Variants in MLXIP observed in about 807,000 individuals in gnomAD.
The protein encoded by MLXIP is MLX-interacting protein.
MLXIP carries 30 observed loss-of-function variants against 87.2 expected under a neutral mutation model. That is an observed-to-expected ratio of 0.34 (90% CI 0.26 to 0.47). The LOEUF (loss-of-function observed/expected upper bound fraction) is 0.47, where lower values mean the gene tolerates loss of function less well. Among genes scored for constraint, MLXIP ranks in the 20% least tolerant of loss-of-function variants. The pLI, the probability that MLXIP is intolerant of heterozygous loss-of-function variation, is 1.00. For missense variants in MLXIP, 1,002 were observed against 1,240.1 expected, an observed-to-expected ratio of 0.81 and a Z score of 2.88; for synonymous variants, 530 against 514.0, an observed-to-expected ratio of 1.03 and a Z score of -0.42.
intron 1 of MLXIP, among the ~76,000 whole-genome samples, chr12:122,081,640 A>G (rs1270766131): frequency 6.6e-6 from 1 of 152,144 alleles, no homozygotes; most frequent in Non-Finnish European, 1.5e-5. Context: ...TGGGCAATGT[A>G]GCAAGATCCC....
At chr12:122,121,527 C>T (rs1952784597) in intron 1 of MLXIP, among the ~76,000 whole-genome samples, 1 of 152,058 alleles carries the variant, frequency 6.6e-6, no homozygotes, top group South Asian at 2.1e-4. Context: ...ACCTCGGCCT[C>T]CCAAAGTGCT....
intron 1 of MLXIP, among the ~76,000 whole-genome samples, chr12:122,102,720 T>G (rs1370876201): frequency 1.3e-5 from 2 of 152,260 alleles, no homozygotes; most frequent in African/African-American, 2.4e-5. Context: ...GGAATATTAT[T>G]CAGTGGCAAA....
rs1953128449 is a variant in MLXIP at position 122,138,189 on chromosome 12, A to T, written c.2155-5A>T. 6.3e-6 allele frequency: 10 copies of T among 1,596,360 alleles called. No individual in the cohort carries two copies. Among genetic ancestry groups the T allele is most frequent in the Non-Finnish European group, 7.7e-6 (9 of 1,171,476 alleles). ...TGTCTTAGTGACCAGCGGGTTCTCCAGCAGAACCGGCAGATGAAGCACATC... is the reference window on the plus strand; with the variant it reads ...TGTCTTAGTGACCAGCGGGTTCTCCTGCAGAACCGGCAGATGAAGCACATC... On this transcript the variant is annotated splice_region_variant and splice_polypyrimidine_tract_variant and intron_variant, in intron 12 of 16. Transcript: ENST00000319080.
intron 13 of MLXIP, 46 bp from the exon 14 acceptor site, chr12:122,138,378 C>A: frequency 6.2e-7 from 1 of 1,607,094 alleles, no homozygotes. Flanking sequence ...TGGTGGCAGG[C>A]CTGCTGGCTG....
chr12:122,106,655 G>A (rs1329663170), intron 1 of MLXIP, among the ~76,000 whole-genome samples: 1 of 136,852 alleles, frequency 7.3e-6, no homozygotes, highest in Non-Finnish European at 1.5e-5. Flanking sequence ...AGGCTGGAGT[G>A]CAGTGGCGCG....
chr12:122,126,900 G>A (rs1335557762), intron 1 of MLXIP, among the ~76,000 whole-genome samples: 5 of 152,176 alleles, frequency 3.3e-5, no homozygotes, highest in African/African-American at 7.2e-5. Flanking sequence ...CCTCCTGGAG[G>A]GCACTCACTG....
At chr12:122,091,733 C>T (rs893128738) in intron 1 of MLXIP, among the ~76,000 whole-genome samples, 2 of 152,154 alleles carry the variant, frequency 1.3e-5, no homozygotes, top group African/African-American at 4.8e-5. Context: ...TAAGCATCAA[C>T]TGCAGTTGAC....
chr12:122,132,280 G>A lies in MLXIP; in HGVS notation c.1001-12G>A, dbSNP rs765927886. On this transcript the variant is annotated splice_polypyrimidine_tract_variant and intron_variant, in intron 7 of 16. Transcript: ENST00000319080. ...ACACTGAGCTCAGAAGACCCCTGCT[G>A]TTGTTTTTCAGACCTCTTCTCTTCT... The A allele has an allele frequency of 1.2e-6, 2 of 1,601,972 alleles. No individual in the cohort carries two copies. Among genetic ancestry groups the A allele is most frequent in the Non-Finnish European group, 1.7e-6 (2 of 1,172,226 alleles).
At chr12:122,082,851 C>T (rs1210890297) in intron 1 of MLXIP, among the ~76,000 whole-genome samples, 1 of 152,172 alleles carries the variant, frequency 6.6e-6, no homozygotes, top group Non-Finnish European at 1.5e-5. Flanking sequence ...GATAGGATCT[C>T]GCTCTGTTTC....
chr12:122,142,822 C>T lies in MLXIP; in HGVS notation c.*1010C>T, dbSNP rs975467554. ...ATGCCCCCACACTCAAAAGTCTGTC[C>T]CGTCTTGTGTTTGGAGAAGGAAACA... On this transcript the variant is annotated 3_prime_UTR_variant, in exon 17 of 17. Coordinates refer to ENST00000319080, the MANE Select transcript of MLXIP (RefSeq NM_014938.6). 3.7e-5 allele frequency: 6 copies of T among 160,458 alleles called. No homozygotes were observed. The highest frequency in any genetic ancestry group is 1.2e-4 in the African/African-American group (5 of 41,600). The allele number at this position is 160,458 out of a possible 1,614,324, so 9.9% of individuals were successfully genotyped here.
intron 1 of MLXIP, among the ~76,000 whole-genome samples, chr12:122,094,858 C>T (rs1952324566): frequency 9.1e-6 from 1 of 109,378 alleles, no homozygotes; most frequent in Non-Finnish European, 1.8e-5. Flanking sequence ...TGCAGTGTTT[C>T]TATGGTGTGG....
At chr12:122,112,885 T>C (rs1348500715) in intron 1 of MLXIP, among the ~76,000 whole-genome samples, 3 of 152,154 alleles carry the variant, frequency 2.0e-5, no homozygotes, top group African/African-American at 7.2e-5. Flanking sequence ...AGGGAAGCCG[T>C]GAAAGTTCTA....
At position 122,133,263 on chromosome 12, in the gene MLXIP, T is replaced by C; in HGVS notation, c.1093-85T>C. On this transcript the variant is annotated intron_variant, in intron 8 of 16. Transcript: ENST00000319080. This position sits in a 1 kb window ranked among gnomAD's most constrained non-coding sequence, Gnocchi z 4.9. The stretch of plus-strand genomic sequence containing the variant: ...TCCCTCTGTCCCAGCGCCCGGCCTG[T>C]GTAGTTGGACTTGGCAGTGTGCAGC... 1 of 1,462,818 alleles carries C rather than the reference T, an allele frequency of 6.8e-7. No individual in the cohort carries two copies. 90.6% of individuals were successfully genotyped at this position (1,462,818 alleles called of 1,614,324 possible).
intron 1 of MLXIP, among the ~76,000 whole-genome samples, chr12:122,116,293 T>C (rs1037624576): frequency 1.3e-5 from 2 of 150,756 alleles, no homozygotes; most frequent in Non-Finnish European, 3.0e-5. Flanking sequence ...TTTTTTTTAA[T>C]TTTATTATTA....
At chr12:122,138,657 T>C in intron 14 of MLXIP, 106 bp downstream of exon 14, 1 of 1,503,154 alleles carries the variant, frequency 6.7e-7, no homozygotes, top group South Asian at 1.3e-5. Context: ...AGTGCCTCTT[T>C]GCTGCAGTAG....
In MLXIP at chr12:122,145,286, G is replaced by GGAGTGGGGTCAGCCGTCAGCCAGCC. The variant is rs1286039378; in HGVS notation, c.*3475_*3499dup. On this transcript the variant is annotated 3_prime_UTR_variant, in exon 17 of 17. Transcript: ENST00000319080. ...CATGGTCCCGGAGCTGTCAGCCAGG[G>GGAGTGGGGTCAGCCGTCAGCCAGCC]GAGTGGGGTCAGCCGTCAGCCAGCC... 1.3e-5 allele frequency: 2 copies of GGAGTGGGGTCAGCCGTCAGCCAGCC among 152,308 alleles called. No homozygotes were observed. The highest frequency in any genetic ancestry group is 2.9e-5 in the Non-Finnish European group (2 of 68,108). 9.4% of individuals were successfully genotyped at this position (152,308 alleles called of 1,614,324 possible).
chr12:122,079,035 C>T lies in MLXIP; in HGVS notation c.182C>T (p.Pro61Leu). The T allele has an allele frequency of 2.1e-6, 3 of 1,398,478 alleles. No homozygotes were observed. Among genetic ancestry groups the T allele is most frequent in the Non-Finnish European group, 9.3e-7 (1 of 1,076,196 alleles). 86.6% of individuals were successfully genotyped at this position (1,398,478 alleles called of 1,614,324 possible). The change falls in exon 1 of 17, where the codon CCT becomes CTT. Residue 61 changes from proline (P) to leucine (L), a missense_variant. Pro to Leu is a moderately conservative substitution (Grantham distance 98). Around this residue, in one of 3 missense-constraint regions of MLXIP, gnomAD observed 129 missense variants for 104.2 expected, o/e 1.24. Transcript: ENST00000319080. ...CACGCGAGCGCCGCGCCACCGCCGCCTCGGGCCGGGCCGGGCCGCGAGGAA... is the reference window on the plus strand; with the variant it reads ...CACGCGAGCGCCGCGCCACCGCCGCTTCGGGCCGGGCCGGGCCGCGAGGAA... ...RAHASAAPPP[P>L]RAGPGREEPP...
intron 1 of MLXIP, among the ~76,000 whole-genome samples, chr12:122,116,765 A>G (rs867587378): frequency 1.3e-5 from 2 of 152,186 alleles, no homozygotes; most frequent in Non-Finnish European, 2.9e-5. Flanking sequence ...AGGCCCTCAT[A>G]TCTGCTATGG....
At chr12:122,134,305 C>G (rs1953042457) in intron 9 of MLXIP, 2 of 366,742 alleles carry the variant, frequency 5.5e-6, no homozygotes, top group African/African-American at 4.5e-5. Context: ...AGCGATTCTC[C>G]TTCGTCAGCC....
Sources: allele counts gnomAD v4.1 joint callset (sites outside exome capture counted in the v4.1 genomes callset), GRCh38; gene constraint gnomAD v4.1.1; regional missense constraint gnomAD v4.1.1; non-coding constraint Gnocchi (gnomAD v3.1); transcripts MANE v1.5; gene names NCBI Gene and HGNC (gene_info 2026-07-23, HGNC 2026-07-21).